Variants in SYNCRIP observed in about 807,000 individuals in gnomAD.
SYNCRIP encodes the protein heterogeneous nuclear ribonucleoprotein Q.
Under a neutral mutation model 68.9 loss-of-function variants are expected in SYNCRIP, and 9 were observed. That is an observed-to-expected ratio of 0.13 (90% confidence interval 0.08 to 0.23). The LOEUF (loss-of-function observed/expected upper bound fraction) is 0.23, where lower values mean the gene tolerates loss of function less well. SYNCRIP is among the 10% of genes least tolerant of loss of function. The probability of loss-of-function intolerance (pLI) is 1.00; values close to 1 mark genes in which losing one functional copy is unlikely to be tolerated. For synonymous variants in SYNCRIP, 258 were observed against 254.0 expected (o/e 1.02, Z -0.15); for missense variants, 414 against 770.6 (o/e 0.54, Z 5.48).
chr6:85,617,134 T>C (rs184526964), intron 10 of SYNCRIP, among the ~76,000 whole-genome samples: 8 of 149,790 alleles, frequency 5.3e-5, no homozygotes, highest in Admixed American at 4.0e-4. Flanking sequence ...AACTAAGGGA[T>C]AGAGTACCTA....
chr6:85,614,056 A>G lies in SYNCRIP; in HGVS notation c.*700T>C, dbSNP rs1805499081. ...TAGCACTTTAAACCAGAAGCAGAAA[A>G]CTGCAATAAATCAGTGTTGTGTAAT... is the stretch of plus-strand genomic sequence containing the variant. On this transcript the variant is annotated 3_prime_UTR_variant, in exon 11 of 11. Coordinates refer to ENST00000369622, the MANE Select transcript of SYNCRIP (RefSeq NM_006372.5). The G allele has an allele frequency of 2.0e-6, 2 of 985,720 alleles. No homozygotes were observed. Among genetic ancestry groups the G allele is most frequent in the Non-Finnish European group, 2.4e-6 (2 of 829,946 alleles). 61.1% of individuals were successfully genotyped at this position (985,720 alleles called of 1,614,324 possible).
At position 85,615,053 on chromosome 6, in the gene SYNCRIP, C is replaced by G. The variant is rs763818647; in HGVS notation, c.1575G>C (p.Gln525His). The G allele has an allele frequency of 6.2e-7, 1 of 1,614,050 alleles. No homozygotes were observed. The highest frequency in any genetic ancestry group is 1.3e-5 in the African/African-American group (1 of 74,926). Residue 525 changes from glutamine to histidine, a missense_variant, in exon 11 of 11, where the codon CAG becomes CAC. Transcript: ENST00000369622. ...CTCTTGCTGATCCAGGACCTCCTCTCTGTGAATAACCGGCTCTACCGCGGG... is the reference window on the plus strand; with the variant it reads ...CTCTTGCTGATCCAGGACCTCCTCTGTGTGAATAACCGGCTCTACCGCGGG... ...APPRGRAGYS[Q>H]RGGPGSARGV... is the part of the protein sequence containing the mutation.
Position 85,633,472 on chromosome 6 carries a change from T to C in SYNCRIP, c.666+3495A>G, listed in dbSNP as rs191404371. ...AGGGCATGGTGGTGTGCACCTGTAA[T>C]CCCAGCTACTCAGGGGGCTGAAACA... is the stretch of plus-strand genomic sequence containing the variant. On this transcript the variant is annotated intron_variant, in intron 6 of 10. Coordinates refer to ENST00000369622, the MANE Select transcript of SYNCRIP (RefSeq NM_006372.5). Among the ~76,000 whole-genome samples the C allele has an allele frequency of 1.0e-3, 158 of 151,584 alleles. 1 individual carries two copies. Among genetic ancestry groups the C allele is most frequent in the African/African-American group, 3.4e-3 (141 of 41,296 alleles).
chr6:85,634,096 A>G (rs1442117379), intron 6 of SYNCRIP, among the ~76,000 whole-genome samples: 2 of 152,250 alleles, frequency 1.3e-5, no homozygotes, highest in Non-Finnish European at 2.9e-5. Flanking sequence ...GCTTATCTAT[A>G]GAAGTTTCTC....
intron 6 of SYNCRIP, among the ~76,000 whole-genome samples, chr6:85,629,944 G>A (rs935837761): frequency 2.5e-4 from 38 of 151,126 alleles, no homozygotes; most frequent in African/African-American, 2.2e-4. Context: ...AGATAGCGCC[G>A]CTGTGCTCCA....
chr6:85,637,086 C>T lies in SYNCRIP; in HGVS notation c.547G>A (p.Glu183Lys). ...LFEDELVPLF[E>K]KAGPIWDLRL... The stretch of plus-strand genomic sequence containing the variant: ...AGATCCCATATAGGTCCAGCTTTCT[C>T]AAATAATGGAACAAGTTCATCCTCA... Residue 183 changes from glutamate (E) to lysine (K), a missense_variant, in exon 6 of 11, where the codon GAG becomes AAG. By Grantham distance (56) the Glu-to-Lys change is moderately conservative. Coordinates refer to ENST00000369622, the MANE Select transcript of SYNCRIP (RefSeq NM_006372.5). 1 of 1,614,044 alleles carries T rather than the reference C, an allele frequency of 6.2e-7. No homozygotes were observed. The highest frequency in any genetic ancestry group is 8.5e-7 in the Non-Finnish European group (1 of 1,180,010).
intron 6 of SYNCRIP, among the ~76,000 whole-genome samples, chr6:85,631,375 C>T (rs1036033391): frequency 7.0e-6 from 1 of 143,282 alleles, no homozygotes; most frequent in Non-Finnish European, 1.5e-5. Flanking sequence ...TTAAAGAAGG[C>T]GAAACATGGC....
At chr6:85,633,490 C>T (rs1808072580) in intron 6 of SYNCRIP, among the ~76,000 whole-genome samples, 1 of 151,650 alleles carries the variant, frequency 6.6e-6, no homozygotes, top group Non-Finnish European at 1.5e-5. Context: ...ACTCAGGGGG[C>T]TGAAACAGAA....
chr6:85,627,238 A>T (rs1211106464), intron 6 of SYNCRIP, among the ~76,000 whole-genome samples: 1 of 150,534 alleles, frequency 6.6e-6, no homozygotes, highest in Non-Finnish European at 1.5e-5. Context: ...ACTGCACTCC[A>T]GCCTGGGCAA....
intron 10 of SYNCRIP, among the ~76,000 whole-genome samples, chr6:85,616,987 G>A (rs569204407): frequency 9.9e-5 from 15 of 152,258 alleles, no homozygotes; most frequent in Non-Finnish European, 1.9e-4. Flanking sequence ...GGAGGACAGA[G>A]ATGAGAAATC....
chr6:85,616,572 C>T (rs1805801743), intron 10 of SYNCRIP, among the ~76,000 whole-genome samples: 1 of 149,568 alleles, frequency 6.7e-6, no homozygotes, highest in Non-Finnish European at 1.5e-5. Context: ...GATCCACCCA[C>T]CTCGGCCTAG....
chr6:85,615,302 T>G lies in SYNCRIP; in HGVS notation c.1326A>C (p.Pro442=). 6.4e-7 allele frequency: 1 copy of G among 1,572,218 alleles called. No individual in the cohort carries two copies. Among genetic ancestry groups the G allele is most frequent in the Non-Finnish European group, 8.7e-7 (1 of 1,154,376 alleles). ...TACCTCCACGCCCTCGACCTCTTGT[T>G]GGAGGGGGCATATGAGGTGGACCAT... ...YYYGPPHMPP[P]TRGRGRGGRG... Residue 442 remains proline (P), a synonymous_variant, in exon 11 of 11, where the codon CCA becomes CCC. Coordinates refer to ENST00000369622, the MANE Select transcript of SYNCRIP (RefSeq NM_006372.5).
rs535646473 is a variant in SYNCRIP, at chr6:85,642,813, G to A, written c.-29C>T. 1.3e-5 allele frequency: 2 copies of A among 152,892 alleles called. No homozygotes were observed. Among genetic ancestry groups the A allele is most frequent in the African/African-American group, 4.8e-5 (2 of 41,564 alleles). The allele number at this position is 152,892 out of a possible 1,614,324, so 9.5% of individuals were successfully genotyped here. A position where few individuals can be genotyped will look rare whatever the true frequency, so the allele number is the denominator to read the frequency against. On this transcript the variant is annotated 5_prime_UTR_variant, in exon 1 of 11. Coordinates refer to ENST00000369622, the MANE Select transcript of SYNCRIP (RefSeq NM_006372.5). ...AGTCGTTACCTCCCCGTTGGGCTGA[G>A]GCGGAGAAATCCTGTCCGATGGTAT...
At chr6:85,624,906 G>A (rs1583274154) in intron 6 of SYNCRIP, among the ~76,000 whole-genome samples, 1 of 152,348 alleles carries the variant, frequency 6.6e-6, no homozygotes, top group East Asian at 1.9e-4. Flanking sequence ...AATGGCGGCA[G>A]CAGCGGCAAT....
At chr6:85,620,617 A>G (rs1296242607) in intron 8 of SYNCRIP, among the ~76,000 whole-genome samples, 2 of 152,206 alleles carry the variant, frequency 1.3e-5, no homozygotes, top group Non-Finnish European at 2.9e-5. Context: ...CAGAACATAC[A>G]TCTAGAGTGA....
At chr6:85,612,652 A>C, downstream of SYNCRIP, 1 of 368,996 alleles carries the variant, frequency 2.7e-6, no homozygotes, top group African/African-American at 2.1e-5. Context: ...CATTTTGAAA[A>C]TAGAGTAGCT....
chr6:85,638,456 C>T (rs1184000011), intron 4 of SYNCRIP, among the ~76,000 whole-genome samples: 1 of 146,970 alleles, frequency 6.8e-6, no homozygotes, highest in East Asian at 2.0e-4. Flanking sequence ...AATTATTCCC[C>T]TTCTCCACTG....
chr6:85,618,023 A>T (rs1805972102), intron 10 of SYNCRIP, among the ~76,000 whole-genome samples: 2 of 152,150 alleles, frequency 1.3e-5, no homozygotes, highest in Admixed American at 1.3e-4. Flanking sequence ...ACTGTGTTAT[A>T]ATTTTAATAC....
At chr6:85,623,549 G>C (rs1806658237) in intron 7 of SYNCRIP, among the ~76,000 whole-genome samples, 1 of 43,040 alleles carries the variant, frequency 2.3e-5, no homozygotes, top group African/African-American at 8.3e-5. Flanking sequence ...GGGCAACAAA[G>C]CAAGACTGTC....
Sources: gnomAD v4.1 joint callset for allele counts (sites outside exome capture counted in the v4.1 genomes callset) on GRCh38, gnomAD v4.1.1 for gene constraint, MANE v1.5 for transcripts, NCBI Gene and HGNC (gene_info 2026-07-23, HGNC 2026-07-21) for gene names.